PSD3: variants seen among roughly 807,000 people sequenced by gnomAD.
PSD3 encodes PH and SEC7 domain-containing protein 3.
PSD3 carries 49 observed loss-of-function variants against 105.5 expected under a neutral mutation model. The ratio of observed to expected loss-of-function variants is 0.46; its 90% confidence interval spans 0.37 to 0.59. The LOEUF is 0.59. PSD3 is among the 20% of genes least tolerant of loss of function. The pLI is 0.00. For missense variants in PSD3, 1,561 were observed against 1,263.8 expected (o/e 1.24, Z -3.57); for synonymous variants, 557 against 457.8 (o/e 1.22, Z -2.77).
At chr8:18,735,380 T>A (rs1264325594) in intron 9 of PSD3, among the ~76,000 whole-genome samples, 1 of 152,182 alleles carries the variant, frequency 6.6e-6, no homozygotes, top group East Asian at 1.9e-4. Context: ...GTCATTGAGA[T>A]ACTCACAATC....
intron 12 of PSD3, among the ~76,000 whole-genome samples, chr8:18,593,523 G>C (rs2130513248): frequency 6.6e-6 from 1 of 152,202 alleles, no homozygotes; most frequent in South Asian, 2.1e-4. Flanking sequence ...TACACTGTTG[G>C]TGGGACTGTA....
At position 18,612,629 on chromosome 8, in the gene PSD3, C is replaced by T. The variant is rs182595306; in HGVS notation, c.2411-12195G>A. ...TCGTGATCCGCCTGCCTCGGCCTCCCAAAGTGCTGGGATTACAGGCATGAG... is the reference window on the plus strand; with the variant it reads ...TCGTGATCCGCCTGCCTCGGCCTCCTAAAGTGCTGGGATTACAGGCATGAG... On this transcript the variant is annotated intron_variant, in intron 11 of 15. Coordinates refer to ENST00000327040, the MANE Select transcript of PSD3 (RefSeq NM_015310.4). 1.5e-3 allele frequency among the ~76,000 whole-genome samples: 235 copies of T among 152,282 alleles called. 1 individual carries two copies. The highest frequency in any genetic ancestry group is 5.2e-3 in the African/African-American group (218 of 41,558).
intron 15 of PSD3, among the ~76,000 whole-genome samples, chr8:18,543,910 C>T (rs1410293980): frequency 1.3e-5 from 2 of 151,932 alleles, no homozygotes; most frequent in Non-Finnish European, 2.9e-5. Context: ...TCCTTTTGAC[C>T]TCTGATACAT....
In PSD3 at chr8:18,808,683, T is replaced by C. The variant is rs1586080732; in HGVS notation, c.1635-3785A>G. The C allele has an allele frequency of 6.3e-6, 10 of 1,589,198 alleles. No homozygotes were observed. The East Asian group carries it at 2.2e-4, about 36-fold the overall frequency. On this transcript the variant is annotated intron_variant, in intron 4 of 15. Transcript: ENST00000327040. ...CTGTCCATTTCACAGTTTAGGAGAT[T>C]ATTTGAACAAGAACCGGAATTGCTC...
At chr8:18,771,642 A>T (rs1223512749) in intron 8 of PSD3, among the ~76,000 whole-genome samples, 1 of 152,246 alleles carries the variant, frequency 6.6e-6, no homozygotes, top group African/African-American at 2.4e-5. Context: ...TTTGAAATCA[A>T]CAGACCATAA....
chr8:18,804,653 C>T lies in PSD3; in HGVS notation c.1829+51G>A, dbSNP rs529360618. The T allele has an allele frequency of 2.0e-5, 33 of 1,611,050 alleles. No homozygotes were observed. In the East Asian group the frequency reaches 5.6e-4, roughly 27 times the overall value. On this transcript the variant is annotated intron_variant, in intron 5 of 15. Transcript: ENST00000327040. ...TTATTGAAAGGTAAACTATTTAAAA[C>T]ACACACAAAACAGGAGAGAATTCAG... is the stretch of plus-strand genomic sequence containing the variant.
intron 8 of PSD3, among the ~76,000 whole-genome samples, chr8:18,780,605 G>T (rs1457398319): frequency 2.0e-5 from 3 of 152,054 alleles, no homozygotes; most frequent in African/African-American, 7.2e-5. Context: ...AGGCTGGAGT[G>T]TGCAGTGGTG....
chr8:18,913,096 C>A (rs963358192), intron 2 of PSD3, among the ~76,000 whole-genome samples: 23 of 150,196 alleles, frequency 1.5e-4, no homozygotes, highest in African/African-American at 5.1e-4. Flanking sequence ...AACACACACA[C>A]ACACACACAC....
chr8:18,783,412 G>A (rs992812687), intron 8 of PSD3, among the ~76,000 whole-genome samples: 1 of 152,002 alleles, frequency 6.6e-6, no homozygotes, highest in African/African-American at 2.4e-5. Flanking sequence ...ACAAGCTTCT[G>A]ATTTCATTGC....
chr8:18,627,377 T>C (rs1292401596), intron 11 of PSD3, among the ~76,000 whole-genome samples: 1 of 152,078 alleles, frequency 6.6e-6, no homozygotes, highest in Non-Finnish European at 1.5e-5. Flanking sequence ...CTGCAGAGGA[T>C]ACTCTGCTCT....
At chr8:18,649,914 C>G (rs750684852) in intron 10 of PSD3, among the ~76,000 whole-genome samples, 6 of 152,220 alleles carry the variant, frequency 3.9e-5, no homozygotes, top group East Asian at 1.9e-4. Flanking sequence ...TTTCCTGAGG[C>G]TTCCCCAGAA....
chr8:18,584,314 T>C (rs1000673579), intron 12 of PSD3, among the ~76,000 whole-genome samples: 3 of 152,156 alleles, frequency 2.0e-5, no homozygotes, highest in East Asian at 1.9e-4. Context: ...CCAAGTTAGT[T>C]GAAGCTGGGT....
Position 18,797,047 on chromosome 8 carries a change from G to T in PSD3, c.2082+2248C>A, listed in dbSNP as rs567661780. Among the ~76,000 whole-genome samples, 43 of 152,184 alleles carry T rather than the reference G, an allele frequency of 2.8e-4. No homozygotes were observed. The South Asian group carries it at 8.3e-3, about 29-fold the overall frequency. Reference sequence around the variant, plus strand: ...AAGAGAAGCTACATCCAGAATTATGGATTAAAAACTTACCACCTAGAAGAA... The same window carrying T: ...AAGAGAAGCTACATCCAGAATTATGTATTAAAAACTTACCACCTAGAAGAA... On this transcript the variant is annotated intron_variant, in intron 8 of 15. Transcript: ENST00000327040.
At chr8:18,674,658 G>C (rs1157863652) in intron 9 of PSD3, among the ~76,000 whole-genome samples, 1 of 152,188 alleles carries the variant, frequency 6.6e-6, no homozygotes, top group Admixed American at 6.5e-5. Context: ...TCCAACCATA[G>C]TAAGAGTATT....
intron 10 of PSD3, among the ~76,000 whole-genome samples, chr8:18,634,495 G>A (rs1259045652): frequency 2.6e-5 from 4 of 151,686 alleles, no homozygotes; most frequent in East Asian, 1.9e-4. Flanking sequence ...AATTAAACTC[G>A]GCTTCATTTG....
At chr8:18,913,542 G>A (rs141583581) in intron 2 of PSD3, among the ~76,000 whole-genome samples, 62 of 150,828 alleles carry the variant, frequency 4.1e-4, no homozygotes, top group Non-Finnish European at 4.4e-5. Context: ...AGCCTCAGGG[G>A]CCTCATGCTC....
At chr8:18,792,968 C>A (rs1809862749) in intron 8 of PSD3, among the ~76,000 whole-genome samples, 1 of 152,154 alleles carries the variant, frequency 6.6e-6, no homozygotes, top group South Asian at 2.1e-4. Flanking sequence ...AAATGTGGCA[C>A]ATATACACCA....
chr8:18,704,438 A>G (rs1309917499), intron 9 of PSD3, among the ~76,000 whole-genome samples: 1 of 152,150 alleles, frequency 6.6e-6, no homozygotes, highest in Non-Finnish European at 1.5e-5. Flanking sequence ...CCTGGGTTCA[A>G]GTGATTCTCC....
At chr8:18,576,487 C>T (rs998471132) in intron 12 of PSD3, among the ~76,000 whole-genome samples, 86 of 152,080 alleles carry the variant, frequency 5.7e-4, no homozygotes, top group African/African-American at 1.9e-3. Flanking sequence ...TACTAATTCC[C>T]ACTAATTCAT....
Sources: allele counts gnomAD v4.1 joint callset (sites outside exome capture counted in the v4.1 genomes callset), GRCh38; gene constraint gnomAD v4.1.1; transcripts MANE v1.5; gene names NCBI Gene and HGNC (gene_info 2026-07-23, HGNC 2026-07-21).